KCTD8: variants seen among roughly 807,000 people sequenced by gnomAD.
KCTD8 encodes the protein potassium channel tetramerization domain containing 8.
KCTD8 carries 27 observed loss-of-function variants against 31.5 expected under a neutral mutation model. That is an observed-to-expected ratio of 0.86 (90% CI 0.63 to 1.18). The LOEUF is 1.18. Ranked by LOEUF, KCTD8 falls within the 50% of genes most tolerant of loss-of-function variation. KCTD8 has a pLI of 0.00. For missense variants in KCTD8, 658 were observed against 647.7 expected, an observed-to-expected ratio of 1.02 and a Z score of -0.17; for synonymous variants, 290 against 280.0, an observed-to-expected ratio of 1.04 and a Z score of -0.36.
chr4:44,388,688 CAG>C (rs1560442577), intron 1 of KCTD8, among the ~76,000 whole-genome samples: 1 of 151,560 alleles, frequency 6.6e-6, no homozygotes, highest in African/African-American at 2.4e-5. Context: ...AAATGACACA[CAG>C]GGGCCTTTCA....
At chr4:44,443,218 A>G (rs995090042) in intron 1 of KCTD8, among the ~76,000 whole-genome samples, 5 of 152,238 alleles carry the variant, frequency 3.3e-5, no homozygotes, top group African/African-American at 4.8e-5. Context: ...AATTGTAAAA[A>G]TAAGTAGTAA....
At chr4:44,179,950 A>G (rs1342609283) in intron 1 of KCTD8, among the ~76,000 whole-genome samples, 1 of 152,184 alleles carries the variant, frequency 6.6e-6, no homozygotes, top group Non-Finnish European at 1.5e-5. Context: ...GCAGGCTTCC[A>G]GGGATAATTT....
At chr4:44,367,683 A>T (rs1398314530) in intron 1 of KCTD8, among the ~76,000 whole-genome samples, 3 of 152,110 alleles carry the variant, frequency 2.0e-5, no homozygotes, top group Non-Finnish European at 4.4e-5. Flanking sequence ...ATAGAAAAAA[A>T]TGACAGTGTT....
At chr4:44,308,167 A>T (rs1360330958) in intron 1 of KCTD8, among the ~76,000 whole-genome samples, 3 of 152,042 alleles carry the variant, frequency 2.0e-5, no homozygotes, top group Non-Finnish European at 2.9e-5. Context: ...TTCATAGCTC[A>T]AGATGAGAAA....
At chr4:44,349,668 C>T (rs1258265230) in intron 1 of KCTD8, among the ~76,000 whole-genome samples, 2 of 152,180 alleles carry the variant, frequency 1.3e-5, no homozygotes, top group Admixed American at 1.3e-4. Context: ...ATACCTTGCA[C>T]TTACACGACT....
intron 1 of KCTD8, among the ~76,000 whole-genome samples, chr4:44,178,862 A>T (rs1452141475): frequency 6.6e-6 from 1 of 152,168 alleles, no homozygotes; most frequent in East Asian, 1.9e-4. Flanking sequence ...TGCAAGATAG[A>T]AGATTAAGGA....
At chr4:44,382,344 C>G (rs1720085803) in intron 1 of KCTD8, among the ~76,000 whole-genome samples, 2 of 152,002 alleles carry the variant, frequency 1.3e-5, no homozygotes, top group African/African-American at 4.8e-5. Flanking sequence ...ATAGAAGGAG[C>G]ATACATCAAT....
intron 1 of KCTD8, among the ~76,000 whole-genome samples, chr4:44,280,371 G>A (rs1170498121): frequency 6.6e-6 from 1 of 152,074 alleles, no homozygotes. Flanking sequence ...AAGTTTTAGA[G>A]TAATTGGTAT....
intron 1 of KCTD8, among the ~76,000 whole-genome samples, chr4:44,343,923 A>T (rs1383275524): frequency 6.6e-6 from 1 of 151,950 alleles, no homozygotes; most frequent in African/African-American, 2.4e-5. Context: ...CAGTGGCCCG[A>T]TCTCAGCTCA....
chr4:44,353,694 T>C (rs1577632173), intron 1 of KCTD8, among the ~76,000 whole-genome samples: 1 of 152,094 alleles, frequency 6.6e-6, no homozygotes, highest in East Asian at 1.9e-4. Context: ...CTCCCACATA[T>C]TAGTGAAAAC....
In KCTD8 at chr4:44,402,984, T is replaced by C. The variant is rs1720702654; in HGVS notation, c.961+44579A>G. On this transcript the variant is annotated intron_variant, in intron 1 of 1. Transcript: ENST00000360029. ...CCCTTGGCACCCAGAACTAGGAGCA[T>C]GTGATCAGTGGAAGAGAAACAAGGT... Among the ~76,000 whole-genome samples the C allele has an allele frequency of 2.6e-5, 4 of 152,178 alleles. No individual in the cohort carries two copies. In the South Asian group the frequency reaches 8.3e-4, roughly 31 times the overall value.
chr4:44,274,862 T>G (rs1160752856), intron 1 of KCTD8, among the ~76,000 whole-genome samples: 1 of 151,950 alleles, frequency 6.6e-6, no homozygotes, highest in Non-Finnish European at 1.5e-5. Flanking sequence ...TTTTGCCTTC[T>G]GAATGAAGTT....
chr4:44,291,698 T>C (rs935312054), intron 1 of KCTD8, among the ~76,000 whole-genome samples: 1 of 151,984 alleles, frequency 6.6e-6, no homozygotes, highest in Non-Finnish European at 1.5e-5. Context: ...ACCTACAGAA[T>C]GGGTGAAACA....
At chr4:44,381,974 C>A (rs964830441) in intron 1 of KCTD8, among the ~76,000 whole-genome samples, 5 of 151,766 alleles carry the variant, frequency 3.3e-5, no homozygotes, top group Non-Finnish European at 5.9e-5. Flanking sequence ...CTAATACAGA[C>A]AAAGAAGGTC....
At chr4:44,418,790 G>T (rs1054420914) in intron 1 of KCTD8, among the ~76,000 whole-genome samples, 7 of 152,100 alleles carry the variant, frequency 4.6e-5, no homozygotes, top group Non-Finnish European at 8.8e-5. Flanking sequence ...CAGATACTAT[G>T]CATCGGCTCT....
At chr4:44,432,337 A>G (rs1003877869) in intron 1 of KCTD8, among the ~76,000 whole-genome samples, 13 of 151,622 alleles carry the variant, frequency 8.6e-5, no homozygotes, top group Non-Finnish European at 7.4e-5. Context: ...TATGGTTAAT[A>G]GCATTCTATA....
At chr4:44,353,579 T>C (rs2109426049) in intron 1 of KCTD8, among the ~76,000 whole-genome samples, 1 of 152,234 alleles carries the variant, frequency 6.6e-6, no homozygotes, top group Non-Finnish European at 1.5e-5. Flanking sequence ...TATCTAACTA[T>C]ATTTTTGTAC....
intron 1 of KCTD8, among the ~76,000 whole-genome samples, chr4:44,356,774 G>A (rs572230090): frequency 1.3e-4 from 20 of 152,112 alleles, no homozygotes; most frequent in African/African-American, 4.8e-4. Flanking sequence ...GCTTGGCCTG[G>A]GAGGTAGTTT....
chr4:44,399,060 C>T (rs1305383362), intron 1 of KCTD8, among the ~76,000 whole-genome samples: 1 of 152,038 alleles, frequency 6.6e-6, no homozygotes, highest in Non-Finnish European at 1.5e-5. Context: ...AAAAGTAACC[C>T]ACAAACCAAA....
Sources: gnomAD v4.1 joint callset for allele counts (sites outside exome capture counted in the v4.1 genomes callset) on GRCh38, gnomAD v4.1.1 for gene constraint, MANE v1.5 for transcripts, NCBI Gene and HGNC (gene_info 2026-07-23, HGNC 2026-07-21) for gene names.